CRBN: variants seen among roughly 807,000 people sequenced by gnomAD.
The protein encoded by CRBN is cereblon, also known as protein cereblon.
In CRBN, 53 loss-of-function variants were observed where a neutral mutation model predicts 62.2. That is an observed-to-expected ratio of 0.85 (90% CI 0.68 to 1.07). The LOEUF (loss-of-function observed/expected upper bound fraction) is 1.07. Among genes scored for constraint, CRBN ranks in the 50% least tolerant of loss-of-function variants. The pLI is 0.00. For missense variants in CRBN, 616 were observed against 531.1 expected, an observed-to-expected ratio of 1.16 and a Z score of -1.57; for synonymous variants, 208 against 176.1, an observed-to-expected ratio of 1.18 and a Z score of -1.43.
At chr3:3,179,235 T>G (rs1240985916) in intron 1 of CRBN, among the ~76,000 whole-genome samples, 1 of 152,230 alleles carries the variant, frequency 6.6e-6, no homozygotes, top group Non-Finnish European at 1.5e-5. Flanking sequence ...AAGTGCTTAG[T>G]ACATGTTAGC....
At chr3:3,172,603 G>A in intron 4 of CRBN, 173 bp downstream of exon 4, 2 of 653,108 alleles carry the variant, frequency 3.1e-6, no homozygotes, top group South Asian at 3.7e-5. Flanking sequence ...AAGCTTCCCA[G>A]GTGATTCTGA....
intron 5 of CRBN, among the ~76,000 whole-genome samples, chr3:3,158,527 G>A (rs1001995232): frequency 6.6e-6 from 1 of 152,208 alleles, no homozygotes; most frequent in South Asian, 2.1e-4. Flanking sequence ...CTAATGGTAA[G>A]ATTATTGTCA....
At chr3:3,177,521 T>TG (rs1239861349) in intron 1 of CRBN, among the ~76,000 whole-genome samples, 1 of 152,230 alleles carries the variant, frequency 6.6e-6, no homozygotes, top group East Asian at 1.9e-4. Flanking sequence ...GCTATCTAAA[T>TG]GGATGACAAA....
chr3:3,150,816 CTTAGAATA>C lies in CRBN; in HGVS notation c.*41_*48del. The C allele has an allele frequency of 6.4e-7, 1 of 1,563,244 alleles. No individual in the cohort carries two copies. The highest frequency in any genetic ancestry group is 8.7e-7 in the Non-Finnish European group (1 of 1,144,266). On this transcript the variant is annotated 3_prime_UTR_variant, in exon 11 of 11. Transcript: ENST00000231948. Reference sequence around the variant, plus strand: ...AGAGGCAATAATTTCCAAAGCAGATCTTAGAATATAACCAATTTGTTAGATAACTTTAT... The same window carrying C: ...AGAGGCAATAATTTCCAAAGCAGATCTAACCAATTTGTTAGATAACTTTAT...
chr3:3,170,155 A>G (rs572027520), intron 4 of CRBN, among the ~76,000 whole-genome samples: 16 of 151,928 alleles, frequency 1.1e-4, no homozygotes, highest in Non-Finnish European at 2.2e-4. Context: ...AATTTCTTGT[A>G]TTTTTAGTAG....
intron 4 of CRBN, among the ~76,000 whole-genome samples, chr3:3,171,118 T>C (rs1339749300): frequency 3.9e-5 from 6 of 152,214 alleles, no homozygotes; most frequent in Admixed American, 2.0e-4. Flanking sequence ...TGTTAATCTT[T>C]ACTAGAGTCA....
At chr3:3,153,872 A>G in intron 8 of CRBN, 88 bp downstream of exon 8, 1 of 803,080 alleles carries the variant, frequency 1.2e-6, no homozygotes, top group South Asian at 1.4e-5. Context: ...ACTGGACTCT[A>G]TACAGAGCTC....
intron 6 of CRBN, chr3:3,155,096 C>T (rs999382935): frequency 2.1e-6 from 1 of 485,416 alleles, no homozygotes; most frequent in African/African-American, 1.9e-5. Context: ...TTGTTCTGTT[C>T]TATGCCCCTG....
intron 1 of CRBN, among the ~76,000 whole-genome samples, chr3:3,175,985 C>T (rs750247812): frequency 1.3e-5 from 2 of 152,150 alleles, no homozygotes; most frequent in Admixed American, 6.5e-5. Context: ...ACCTTGATCA[C>T]CTGGCTACAG....
intron 10 of CRBN, among the ~76,000 whole-genome samples, chr3:3,151,439 T>C (rs73005216): frequency 9.6e-4 from 146 of 152,302 alleles, no homozygotes; most frequent in Non-Finnish European, 1.7e-3. Context: ...GCAGAAATAA[T>C]GCACTTCTGT....
Position 3,167,734 on chromosome 3 carries a change from G to A in CRBN, c.587C>T (p.Ala196Val). Residue 196 changes from alanine to valine, a missense_variant, in exon 5 of 11, where the codon GCA (alanine) becomes GTA (valine). Coordinates refer to ENST00000231948, the MANE Select transcript of CRBN (RefSeq NM_016302.4). ...CTTATTGAGGGATTCTAATTGAACT[G>A]CAGACATGGTTGAAGGCAACACACA... Reference protein sequence around the residue: ...PECVLPSTMSAVQLESLNKCQ... With the variant: ...PECVLPSTMSVVQLESLNKCQ... 8 of 1,613,566 alleles carry A rather than the reference G, an allele frequency of 5.0e-6. No individual in the cohort carries two copies. Among genetic ancestry groups the A allele is most frequent in the Non-Finnish European group, 5.9e-6 (7 of 1,179,592 alleles).
At chr3:3,154,426 T>C in intron 7 of CRBN, 1 of 456,590 alleles carries the variant, frequency 2.2e-6, no homozygotes. Context: ...TAGACTCACT[T>C]CTTTTAAAGG....
chr3:3,155,136 T>TTAGGCCA, intron 6 of CRBN: 1 of 396,254 alleles, frequency 2.5e-6, no homozygotes, highest in Non-Finnish European at 4.6e-6. Context: ...CTGCCTTCTA[T>TTAGGCCA]TAGGCCATTT....
At position 3,154,761 on chromosome 3, in the gene CRBN, G is replaced by A; in HGVS notation, c.821C>T (p.Pro274Leu). 3 of 1,592,820 alleles carry A rather than the reference G, an allele frequency of 1.9e-6. No individual in the cohort carries two copies. The highest frequency in any genetic ancestry group is 2.6e-6 in the Non-Finnish European group (3 of 1,160,844). The change falls in exon 7 of 11, where the codon CCT (proline) becomes CTT (leucine). Residue 274 changes from proline to leucine, a missense_variant. Coordinates refer to ENST00000231948, the MANE Select transcript of CRBN (RefSeq NM_016302.4). ...WDENLKDDSL[P>L]SNPIDFSYRV... ...ACTTTTCATACCTATTGGATTTGAA[G>A]GAAGAGAATCATCTTTTAGATTTTC... is the stretch of plus-strand genomic sequence containing the variant.
chr3:3,160,830 A>G (rs1223208719), intron 5 of CRBN, among the ~76,000 whole-genome samples: 1 of 152,224 alleles, frequency 6.6e-6, no homozygotes, highest in Non-Finnish European at 1.5e-5. Context: ...AAGAGAAGAA[A>G]AGTAAAATAA....
At chr3:3,166,187 G>A (rs1340003246) in intron 5 of CRBN, among the ~76,000 whole-genome samples, 1 of 152,098 alleles carries the variant, frequency 6.6e-6, no homozygotes, top group Non-Finnish European at 1.5e-5. Flanking sequence ...GAACTCAGTG[G>A]GAGGTGACTG....
intron 5 of CRBN, among the ~76,000 whole-genome samples, chr3:3,161,983 T>TTGTA: frequency 6.6e-6 from 1 of 152,248 alleles, no homozygotes; most frequent in East Asian, 1.9e-4. Context: ...ATAAGAACAT[T>TTGTA]TGTATCTAGA....
At chr3:3,162,000 TAGG>T (rs1279361532) in intron 5 of CRBN, among the ~76,000 whole-genome samples, 1 of 152,176 alleles carries the variant, frequency 6.6e-6, no homozygotes, top group Admixed American at 6.5e-5. Context: ...TAGATAAAAT[TAGG>T]AGGAGATTTA....
intron 3 of CRBN, 113 bp from the exon 4 acceptor site, chr3:3,173,038 C>G (rs1249427005): frequency 3.0e-5 from 24 of 808,340 alleles, no homozygotes; most frequent in Non-Finnish European, 5.0e-5. Flanking sequence ...ACCCTTACTA[C>G]AAAGCTAGGA....
Sources: gnomAD v4.1 joint callset for allele counts (sites outside exome capture counted in the v4.1 genomes callset) on GRCh38, gnomAD v4.1.1 for gene constraint, MANE v1.5 for transcripts, NCBI Gene and HGNC (gene_info 2026-07-23, HGNC 2026-07-21) for gene names.